The following ZNF880 variants were observed in gnomAD, a reference collection of about 807,000 sequenced individuals.
The protein encoded by ZNF880 is zinc finger protein 880.
ZNF880 carries 12 observed loss-of-function variants against 11.8 expected under a neutral mutation model. That is an observed-to-expected ratio of 1.02 (90% CI 0.65 to 1.65). ZNF880 has a LOEUF of 1.65. Among genes scored for constraint, ZNF880 ranks in the 40% most tolerant of loss-of-function variants. The probability of loss-of-function intolerance (pLI) is 0.00; values close to 1 mark genes in which losing one functional copy is unlikely to be tolerated. For synonymous variants in ZNF880, 210 were observed against 232.4 expected (o/e 0.90, Z 0.88); for missense variants, 601 against 673.9 (o/e 0.89, Z 1.20).
chr19:52,368,232 T>A (rs1986215561), upstream of ZNF880, among the ~76,000 whole-genome samples: 2 of 149,456 alleles, frequency 1.3e-5, no homozygotes, highest in South Asian at 2.1e-4. Flanking sequence ...AATAATACTG[T>A]AACACAATTT....
chr19:52,373,427 T>C lies in ZNF880; in HGVS notation c.139+190T>C, dbSNP rs181218359. ...TCAGAAACAATAAGCTCCATAATAC[T>C]TTCTGGACTTAAAATAATTGCTTTC... On this transcript the variant is annotated intron_variant, in intron 2 of 3. Transcript: ENST00000422689. 3.7e-3 allele frequency among the ~76,000 whole-genome samples: 570 copies of C among 152,188 alleles called. 6 individuals are homozygous for C. Among genetic ancestry groups the C allele is most frequent in the Non-Finnish European group, 4.8e-3 (324 of 67,994 alleles).
At chr19:52,378,676 T>C (rs1986624739) in intron 3 of ZNF880, among the ~76,000 whole-genome samples, 1 of 151,240 alleles carries the variant, frequency 6.6e-6, no homozygotes, top group Non-Finnish European at 1.5e-5. Context: ...AGAAAGATCC[T>C]TTATTGGATG....
At chr19:52,394,203 G>A in the ZNF880 span, among the ~76,000 whole-genome samples, 1 of 152,070 alleles carries the variant, frequency 6.6e-6, no homozygotes, top group Non-Finnish European at 1.5e-5. Flanking sequence ...CAGGTTTCAT[G>A]TGCAAATTGC....
At chr19:52,386,781 G>T (rs1266158919), downstream of ZNF880, among the ~76,000 whole-genome samples, 1 of 112,474 alleles carries the variant, frequency 8.9e-6, no homozygotes, top group African/African-American at 3.6e-5. Flanking sequence ...CAGCCTGGGT[G>T]ACAAGAGCAA....
intron 3 of ZNF880, 70 bp from the exon 4 acceptor site, chr19:52,383,779 A>C (rs982840684): frequency 1.4e-6 from 2 of 1,427,134 alleles, no homozygotes; most frequent in African/African-American, 2.9e-5. Context: ...GGCAGAATCT[A>C]GTCTCTCTGT....
At chr19:52,376,508 C>G (rs75927815) in intron 3 of ZNF880, among the ~76,000 whole-genome samples, 1 of 22,350 alleles carries the variant, frequency 4.5e-5, no homozygotes, top group South Asian at 3.0e-3. Context: ...CCCCCCCCCC[C>G]CTTTTTTTTT....
At chr19:52,375,983 C>T (rs1986540431) in intron 3 of ZNF880, among the ~76,000 whole-genome samples, 1 of 152,190 alleles carries the variant, frequency 6.6e-6, no homozygotes, top group Non-Finnish European at 1.5e-5. Context: ...ATCCAGGTTG[C>T]TGCAAATGCC....
downstream of ZNF880, chr19:52,390,344 C>T (rs1349711401): frequency 9.3e-6 from 4 of 428,712 alleles, no homozygotes; most frequent in East Asian, 8.6e-5. Flanking sequence ...CCAGGGAGGC[C>T]GTGAACTCTT....
At chr19:52,374,463 A>ATTT in intron 3 of ZNF880, 36 bp downstream of exon 3, 1 of 1,266,058 alleles carries the variant, frequency 7.9e-7, no homozygotes, top group Non-Finnish European at 1.1e-6. Context: ...AGGCCCCATA[A>ATTT]TTTTTTTTTT....
At chr19:52,386,959 CTCA>C (rs1190479890), downstream of ZNF880, among the ~76,000 whole-genome samples, 3 of 144,096 alleles carry the variant, frequency 2.1e-5, no homozygotes, top group East Asian at 4.0e-4. Context: ...GTACATAGTT[CTCA>C]TGTTTTAATT....
At chr19:52,374,466 T>G (rs771163253) in intron 3 of ZNF880, 39 bp downstream of exon 3, 9 of 1,564,192 alleles carry the variant, frequency 5.8e-6, no homozygotes, top group Non-Finnish European at 1.7e-6. Context: ...CCCCATAATT[T>G]TTTTTTTTTT....
At chr19:52,386,595 A>C (rs896731376), downstream of ZNF880, among the ~76,000 whole-genome samples, 12 of 143,154 alleles carry the variant, frequency 8.4e-5, 4 homozygotes, top group African/African-American at 2.5e-4. Flanking sequence ...TGAGGTCAGG[A>C]GTTTGAGACC....
intron 3 of ZNF880, among the ~76,000 whole-genome samples, chr19:52,375,353 A>AT (rs376394654): frequency 0.027 from 3,911 of 146,704 alleles, 160 homozygotes; most frequent in African/African-American, 0.092. Flanking sequence ...AGCCTGGCTA[A>AT]TTTTTTTTTT....
chr19:52,367,185 A>C (rs1568657494), upstream of ZNF880: 1 of 157,614 alleles, frequency 6.3e-6, no homozygotes, highest in Non-Finnish European at 1.4e-5. Context: ...GTGCAGTGGC[A>C]TGATCTTGGC....
chr19:52,377,735 G>A (rs1316140349), intron 3 of ZNF880, among the ~76,000 whole-genome samples: 3 of 152,234 alleles, frequency 2.0e-5, no homozygotes, highest in African/African-American at 7.2e-5. Context: ...GCCGGATGAG[G>A]AGATTCACAG....
chr19:52,387,866 G>A (rs12151000), downstream of ZNF880, among the ~76,000 whole-genome samples: 38,553 of 131,182 alleles, frequency 0.29, 8,594 homozygotes, highest in Middle Eastern at 0.38. Context: ...GCTCAGTGAC[G>A]TAAGTGGAAA....
At chr19:52,372,961 T>A in intron 1 of ZNF880, 150 bp from the exon 2 acceptor site, 1 of 533,250 alleles carries the variant, frequency 1.9e-6, no homozygotes. Flanking sequence ...AATGGAGAAG[T>A]ATATTAAAAC....
At chr19:52,390,523 T>C (rs2122454452), downstream of ZNF880, 2 of 189,602 alleles carry the variant, frequency 1.1e-5, no homozygotes, top group South Asian at 6.2e-5. Context: ...CCAAATTCCA[T>C]CCCACAGGAA....
At chr19:52,377,362 T>G (rs1986584747) in intron 3 of ZNF880, among the ~76,000 whole-genome samples, 1 of 152,142 alleles carries the variant, frequency 6.6e-6, no homozygotes, top group Non-Finnish European at 1.5e-5. Flanking sequence ...CAAATGCCAC[T>G]CAGCAGAGAG....
Sources: gnomAD v4.1 joint callset for allele counts (sites outside exome capture counted in the v4.1 genomes callset) on GRCh38, gnomAD v4.1.1 for gene constraint, MANE v1.5 for transcripts, NCBI Gene and HGNC (gene_info 2026-07-23, HGNC 2026-07-21) for gene names.